Variants in ZNF726 observed in about 807,000 individuals in gnomAD.
The protein encoded by ZNF726 is zinc finger protein 92 pseudogene 3.
ZNF726 carries 15 observed loss-of-function variants against 11.6 expected under a neutral mutation model. The observed-to-expected ratio is 1.29, with a 90% CI of 0.86 to 1.99. ZNF726 has a LOEUF of 1.99. Ranked by LOEUF, ZNF726 falls within the 30% of genes most tolerant of loss-of-function variation. The probability of loss-of-function intolerance (pLI) is 0.00; values close to 1 mark genes in which losing one functional copy is unlikely to be tolerated. For missense variants in ZNF726, 890 were observed against 725.6 expected (o/e 1.23, Z -2.60); for synonymous variants, 295 against 243.6 (o/e 1.21, Z -1.96).
At chr19:23,937,320 C>T (rs1480809051), downstream of ZNF726, among the ~76,000 whole-genome samples, 6 of 151,576 alleles carry the variant, frequency 4.0e-5, no homozygotes, top group African/African-American at 1.2e-4. Flanking sequence ...AGGTGGCTAG[C>T]GGGCGGAGAC....
chr19:23,931,966 T>C (rs1162791394), intron 3 of ZNF726, among the ~76,000 whole-genome samples: 1 of 152,194 alleles, frequency 6.6e-6, no homozygotes, highest in Non-Finnish European at 1.5e-5. Flanking sequence ...ATAATGAATG[T>C]GCCAGTATTT....
At chr19:23,922,782 C>T (rs1011982795) in intron 3 of ZNF726, among the ~76,000 whole-genome samples, 10 of 152,144 alleles carry the variant, frequency 6.6e-5, no homozygotes, top group Non-Finnish European at 1.2e-4. Context: ...ATTTTGACCT[C>T]AAGCAGTTCT....
chr19:23,917,166 G>T (rs1314023973), intron 1 of ZNF726, among the ~76,000 whole-genome samples: 1 of 152,168 alleles, frequency 6.6e-6, no homozygotes, highest in Non-Finnish European at 1.5e-5. Context: ...AGCCAGGCTG[G>T]TGTCAAACTT....
intron 3 of ZNF726, among the ~76,000 whole-genome samples, chr19:23,926,874 A>G (rs1002045448): frequency 6.6e-6 from 1 of 152,164 alleles, no homozygotes; most frequent in Non-Finnish European, 1.5e-5. Context: ...AAATCAGAAA[A>G]TATAATGTCT....
In ZNF726 at chr19:23,914,954, A is replaced by G. The variant is rs1362370559; in HGVS notation, c.-41A>G. 2 of 1,613,230 alleles carry G rather than the reference A, an allele frequency of 1.2e-6. No homozygotes were observed. Among genetic ancestry groups the G allele is most frequent in the Admixed American group, 3.3e-5 (2 of 60,004 alleles). Reference sequence around the variant, plus strand: ...CTGTGTCTTCTGCTTTTAGGGGCGCAGCCTCTGTGGCCCTGTGACCTGCCC... The same window carrying G: ...CTGTGTCTTCTGCTTTTAGGGGCGCGGCCTCTGTGGCCCTGTGACCTGCCC... On this transcript the variant is annotated 5_prime_UTR_variant, in exon 1 of 4. Transcript: ENST00000594466.
intron 3 of ZNF726, chr19:23,923,407 TA>T: frequency 4.9e-6 from 2 of 406,920 alleles, no homozygotes; most frequent in African/African-American, 2.2e-5. Context: ...TAGATGCCAG[TA>T]ATTTTTTTTT....
At chr19:23,938,744 A>T (rs548571215), downstream of ZNF726, among the ~76,000 whole-genome samples, 13 of 151,034 alleles carry the variant, frequency 8.6e-5, no homozygotes, top group African/African-American at 3.2e-4. Context: ...AGTAGCTGGG[A>T]TTACAGGTTC....
Position 23,932,548 on chromosome 19 carries a change from T to C in ZNF726, c.432T>C (p.Ala144=), listed in dbSNP as rs760289778. The change falls in exon 4 of 4, where the codon GCT becomes GCC. Residue 144 remains alanine, a synonymous_variant. Coordinates refer to ENST00000594466, the MANE Select transcript of ZNF726 (RefSeq NM_001244038.2). ...GTTTCACAACTACCCAGGGCAAAGC[T>C]TCTCAATGTGGTAAATATTTGAAAG... ...NQCFTTTQGK[A]SQCGKYLKVF... is the part of the protein sequence containing the mutation. The C allele has an allele frequency of 7.5e-6, 12 of 1,589,482 alleles. No homozygotes were observed. In the African/African-American group the frequency reaches 1.6e-4, roughly 22 times the overall value.
At chr19:23,921,338 T>C (rs770913855) in intron 3 of ZNF726, 3 of 152,356 alleles carry the variant, frequency 2.0e-5, no homozygotes, top group Non-Finnish European at 2.9e-5. Context: ...TATAATGTCC[T>C]TCTGCTTTGT....
At chr19:23,943,540 A>T in exon 4 of ZNF726, 1 of 679,728 alleles carries the variant, frequency 1.5e-6, no homozygotes, top group East Asian at 2.7e-5. Flanking sequence ...TTGAGCAAAT[A>T]AAAGAGCCCT....
At chr19:23,939,629 G>T (rs991867980) in intron 3 of ZNF726, among the ~76,000 whole-genome samples, 1 of 152,200 alleles carries the variant, frequency 6.6e-6, no homozygotes, top group African/African-American at 2.4e-5. Flanking sequence ...TACTAGTTTA[G>T]ATTTCCACTA....
At position 23,933,157 on chromosome 19, in the gene ZNF726, C is replaced by T; in HGVS notation, c.1041C>T (p.Ala347=). Reference sequence around the variant, plus strand: ...AACCCTACAAATGTGAAGAATGTGCCAAAGCTTTTAGCCAATTCGGACACC... The same window carrying T: ...AACCCTACAAATGTGAAGAATGTGCTAAAGCTTTTAGCCAATTCGGACACC... ...GEKPYKCEEC[A]KAFSQFGHLT... Residue 347 remains alanine (A), a synonymous_variant, in exon 4 of 4, where the codon GCC becomes GCT. Coordinates refer to ENST00000594466, the MANE Select transcript of ZNF726 (RefSeq NM_001244038.2). The T allele has an allele frequency of 6.2e-7, 1 of 1,601,618 alleles. No individual in the cohort carries two copies. Among genetic ancestry groups the T allele is most frequent in the Non-Finnish European group, 8.5e-7 (1 of 1,173,374 alleles).
At position 23,920,036 on chromosome 19, in the gene ZNF726, A is replaced by G; in HGVS notation, c.180A>G (p.Lys60=). ...PDLIICLEKE[K]EPWNMKRDEM... ...TCATCATCTGTCTGGAGAAAGAAAA[A>G]GAGCCCTGGAATATGAAGCGAGATG... Residue 60 remains lysine, a synonymous_variant, in exon 3 of 4, where the codon AAA becomes AAG. Coordinates refer to ENST00000594466, the MANE Select transcript of ZNF726 (RefSeq NM_001244038.2). The G allele has an allele frequency of 1.3e-6, 2 of 1,589,818 alleles. No individual in the cohort carries two copies. Among genetic ancestry groups the G allele is most frequent in the Non-Finnish European group, 8.6e-7 (1 of 1,165,884 alleles).
chr19:23,925,471 C>A (rs1176750868), intron 3 of ZNF726, among the ~76,000 whole-genome samples: 1 of 152,032 alleles, frequency 6.6e-6, no homozygotes, highest in Non-Finnish European at 1.5e-5. Context: ...GGATTACAGG[C>A]TTGAGCCACC....
intron 2 of ZNF726, 78 bp from the exon 3 acceptor site, chr19:23,919,909 C>A: frequency 1.1e-6 from 1 of 872,858 alleles, no homozygotes; most frequent in South Asian, 1.5e-5. Context: ...CTATTATATC[C>A]CTTTTACTTT....
chr19:23,923,322 CTATT>C (rs1967899716), intron 3 of ZNF726: 1 of 355,310 alleles, frequency 2.8e-6, no homozygotes, highest in Non-Finnish European at 5.3e-6. Context: ...AAATGCTTAT[CTATT>C]AAAAGTTTCT....
At chr19:23,928,961 T>A (rs2144981576) in intron 3 of ZNF726, 1 of 152,160 alleles carries the variant, frequency 6.6e-6, no homozygotes, top group African/African-American at 2.4e-5. Context: ...CACACCTAGC[T>A]AGTTTTTTTT....
At chr19:23,942,611 T>C (rs575556523) in intron 3 of ZNF726, among the ~76,000 whole-genome samples, 9 of 152,300 alleles carry the variant, frequency 5.9e-5, no homozygotes, top group Admixed American at 5.2e-4. Flanking sequence ...CTTAGGTCTA[T>C]TAATAATTGT....
intron 3 of ZNF726, chr19:23,920,327 C>A (rs904745997): frequency 5.5e-5 from 15 of 271,074 alleles, no homozygotes; most frequent in African/African-American, 3.4e-4. Flanking sequence ...AAGTACTGTT[C>A]ATGGCATATA....
Sources: gnomAD v4.1 joint callset for allele counts (sites outside exome capture counted in the v4.1 genomes callset) on GRCh38, gnomAD v4.1.1 for gene constraint, MANE v1.5 for transcripts, NCBI Gene and HGNC (gene_info 2026-07-23, HGNC 2026-07-21) for gene names.